The following TMC1 variants were observed in gnomAD, a reference collection of about 807,000 sequenced individuals.
TMC1 encodes the protein transmembrane channel-like protein 1.
Under a neutral mutation model 105.8 loss-of-function variants are expected in TMC1, and 84 were observed. The ratio of observed to expected loss-of-function variants is 0.79; its 90% CI spans 0.67 to 0.95. TMC1 has a LOEUF of 0.95. Ranked by LOEUF, TMC1 falls within the 40% of genes least tolerant of loss-of-function variation. The pLI is 0.00. For synonymous variants in TMC1, 315 were observed against 311.5 expected, an observed-to-expected ratio of 1.01 and a Z score of -0.12; for missense variants, 817 against 914.1, an observed-to-expected ratio of 0.89 and a Z score of 1.37.
At chr9:72,690,352 A>C (rs1445005377) in intron 6 of TMC1, among the ~76,000 whole-genome samples, 1 of 152,146 alleles carries the variant, frequency 6.6e-6, no homozygotes, top group African/African-American at 2.4e-5. Context: ...TAATACAATT[A>C]AAAGTTACCA....
intron 2 of TMC1, among the ~76,000 whole-genome samples, chr9:72,597,798 G>A (rs1051822186): frequency 2.0e-5 from 3 of 152,224 alleles, no homozygotes; most frequent in African/African-American, 7.2e-5. Flanking sequence ...TCTTCCCTGA[G>A]ATATCTGTAT....
At chr9:72,523,164 C>T (rs1009881677) in intron 1 of TMC1, among the ~76,000 whole-genome samples, 3 of 151,862 alleles carry the variant, frequency 2.0e-5, no homozygotes, top group Admixed American at 2.0e-4. Context: ...CACAAAGACT[C>T]GGGGGGATGC....
At chr9:72,639,492 C>A (rs1825589257) in intron 4 of TMC1, among the ~76,000 whole-genome samples, 1 of 151,922 alleles carries the variant, frequency 6.6e-6, no homozygotes, top group Admixed American at 6.6e-5. Context: ...TAGAAAAATC[C>A]TTTGAAAAAG....
In TMC1 at chr9:72,740,084, T is replaced by A. The variant is rs1827362019; in HGVS notation, c.363-35T>A. ...TGTATTCTAGTCATTGCAACTCACCTCCTTTTATCCCTTATGTTATTTTTA... is the reference window on the plus strand; with the variant it reads ...TGTATTCTAGTCATTGCAACTCACCACCTTTTATCCCTTATGTTATTTTTA... On this transcript the variant is annotated intron_variant, in intron 8 of 23. Coordinates refer to ENST00000297784, the MANE Select transcript of TMC1 (RefSeq NM_138691.3). 4.5e-6 allele frequency: 7 copies of A among 1,544,576 alleles called. No individual in the cohort carries two copies. The East Asian group carries it at 1.6e-4, about 35-fold the overall frequency.
At chr9:72,684,070 A>T (rs1484082224) in intron 5 of TMC1, among the ~76,000 whole-genome samples, 1 of 152,098 alleles carries the variant, frequency 6.6e-6, no homozygotes, top group Admixed American at 6.5e-5. Flanking sequence ...GCCCAGGGAT[A>T]AACCAAAAGC....
At position 72,826,921 on chromosome 9, in the gene TMC1, C is replaced by T. The variant is rs1329628505; in HGVS notation, c.2056C>T (p.Pro686Ser). ...TGGAGAGACCCTGGAGCACGATTTCCCAAGCTGGATGGCGAAGATCTTGAG... is the reference window on the plus strand; with the variant it reads ...TGGAGAGACCCTGGAGCACGATTTCTCAAGCTGGATGGCGAAGATCTTGAG... ...VIGETLEHDF[P>S]SWMAKILRQL... Residue 686 changes from proline to serine, a missense_variant, in exon 21 of 24, where the codon CCA (proline) becomes TCA (serine). Physicochemically the swap from Pro to Ser is moderately conservative, Grantham distance 74. Coordinates refer to ENST00000297784, the MANE Select transcript of TMC1 (RefSeq NM_138691.3). The T allele has an allele frequency of 1.2e-6, 2 of 1,614,036 alleles. No homozygotes were observed. The highest frequency in any genetic ancestry group is 4.5e-5 in the East Asian group (2 of 44,876).
At chr9:72,774,495 G>A (rs1827978260) in intron 13 of TMC1, among the ~76,000 whole-genome samples, 1 of 152,128 alleles carries the variant, frequency 6.6e-6, no homozygotes, top group Admixed American at 6.5e-5. Context: ...TGTTGCTGGT[G>A]GAACACTCTG....
At chr9:72,628,858 C>G (rs1049495666) in intron 4 of TMC1, among the ~76,000 whole-genome samples, 1 of 152,126 alleles carries the variant, frequency 6.6e-6, no homozygotes, top group African/African-American at 2.4e-5. Flanking sequence ...TCAAGATTTA[C>G]TTAAAATAAA....
At chr9:72,522,295 G>T (rs1319696077) in intron 1 of TMC1, among the ~76,000 whole-genome samples, 1 of 152,098 alleles carries the variant, frequency 6.6e-6, no homozygotes, top group Admixed American at 6.6e-5. Context: ...TAGAGACGGG[G>T]TTTCGCCGTG....
intron 1 of TMC1, among the ~76,000 whole-genome samples, chr9:72,576,702 T>G (rs1824388128): frequency 6.7e-6 from 1 of 149,040 alleles, no homozygotes; most frequent in Non-Finnish European, 1.5e-5. Flanking sequence ...CTCGGCTCAC[T>G]GCAGTCTCTG....
At chr9:72,733,618 A>G (rs545579303) in intron 8 of TMC1, among the ~76,000 whole-genome samples, 1 of 152,230 alleles carries the variant, frequency 6.6e-6, no homozygotes, top group Non-Finnish European at 1.5e-5. Flanking sequence ...TCCTAAAACC[A>G]AGGATACTAC....
chr9:72,688,795 G>A, intron 6 of TMC1, 39 bp downstream of exon 6: 1 of 1,537,242 alleles, frequency 6.5e-7, no homozygotes, highest in East Asian at 2.3e-5. Flanking sequence ...ATTTCCTATG[G>A]AATACCAGTA....
chr9:72,545,336 A>C (rs1374854425), intron 1 of TMC1, among the ~76,000 whole-genome samples: 1 of 151,810 alleles, frequency 6.6e-6, no homozygotes, highest in East Asian at 1.9e-4. Context: ...TTTTTAAAAA[A>C]AAACCTTTTA....
At chr9:72,612,038 T>C (rs1825035691) in intron 2 of TMC1, among the ~76,000 whole-genome samples, 1 of 152,070 alleles carries the variant, frequency 6.6e-6, no homozygotes, top group Non-Finnish European at 1.5e-5. Context: ...GATTTTGCCC[T>C]TGGGGAGCAC....
chr9:72,790,060 A>G (rs1021593784), intron 15 of TMC1, among the ~76,000 whole-genome samples: 3 of 152,148 alleles, frequency 2.0e-5, no homozygotes, highest in Admixed American at 1.3e-4. Flanking sequence ...GAATCAGAAA[A>G]TCATTGGTCA....
At chr9:72,721,955 A>G (rs765542868) in intron 8 of TMC1, among the ~76,000 whole-genome samples, 4 of 152,150 alleles carry the variant, frequency 2.6e-5, no homozygotes, top group Admixed American at 6.5e-5. Flanking sequence ...TTTTGCCTAA[A>G]AAATATCGGT....
At chr9:72,817,433 G>C (rs1828805079) in intron 19 of TMC1, 1 of 152,110 alleles carries the variant, frequency 6.6e-6, no homozygotes. Flanking sequence ...AACGTCTACT[G>C]ACACAGAAGT....
intron 5 of TMC1, chr9:72,656,110 T>C (rs989086257): frequency 1.3e-5 from 9 of 669,466 alleles, no homozygotes; most frequent in East Asian, 8.7e-5. Context: ...GGATTTTACA[T>C]TGCAGCTTGT....
At chr9:72,747,543 C>A (rs939147715) in intron 10 of TMC1, among the ~76,000 whole-genome samples, 1 of 152,110 alleles carries the variant, frequency 6.6e-6, no homozygotes, top group East Asian at 1.9e-4. Context: ...AGCATAAAGC[C>A]TCAGTTTAAT....
Sources: gnomAD v4.1 joint callset for allele counts (sites outside exome capture counted in the v4.1 genomes callset) on GRCh38, gnomAD v4.1.1 for gene constraint, MANE v1.5 for transcripts, NCBI Gene and HGNC (gene_info 2026-07-23, HGNC 2026-07-21) for gene names.